Variants in HTR4 observed in about 807,000 individuals in gnomAD.
HTR4 encodes 5-hydroxytryptamine receptor 4.
Under a neutral mutation model 36.8 loss-of-function variants are expected in HTR4, and 16 were observed. That is an observed-to-expected ratio of 0.43 (90% CI 0.29 to 0.66). HTR4 has a LOEUF of 0.66. HTR4 is among the 30% of genes least tolerant of loss of function. The pLI, the probability that HTR4 is intolerant of heterozygous loss-of-function variation, is 0.13. For synonymous variants in HTR4, 189 were observed against 185.1 expected (o/e 1.02, Z -0.17); for missense variants, 438 against 490.9 (o/e 0.89, Z 1.02).
intron 5 of HTR4, among the ~76,000 whole-genome samples, chr5:148,516,312 CTTTTTTTTTTTTTTTT>C (rs954784476): frequency 2.6e-5 from 2 of 76,476 alleles, no homozygotes; most frequent in African/African-American, 1.0e-4. Context: ...ATTCCCCCCT[CTTTTTTTTTTTTTTTT>C]TTTTTTTTTG....
At chr5:148,459,588 A>G (rs1561559580) in intron 5 of HTR4, among the ~76,000 whole-genome samples, 3 of 152,204 alleles carry the variant, frequency 2.0e-5, no homozygotes, top group Non-Finnish European at 4.4e-5. Context: ...TCTAGAAGAC[A>G]GAGAACTAAT....
At chr5:148,528,124 A>G (rs1758375688) in intron 4 of HTR4, among the ~76,000 whole-genome samples, 2 of 152,212 alleles carry the variant, frequency 1.3e-5, no homozygotes, top group African/African-American at 2.4e-5. Context: ...ATTATCAATA[A>G]GTAAAGGGGG....
intron 2 of HTR4, among the ~76,000 whole-genome samples, chr5:148,584,522 T>C (rs2127251026): frequency 6.6e-6 from 1 of 152,328 alleles, no homozygotes; most frequent in South Asian, 2.1e-4. Flanking sequence ...ACAGTACCCC[T>C]AAGCAATCAG....
intron 4 of HTR4, among the ~76,000 whole-genome samples, chr5:148,541,519 G>A (rs993222950): frequency 6.6e-6 from 1 of 152,184 alleles, no homozygotes; most frequent in Non-Finnish European, 1.5e-5. Flanking sequence ...GGAGCTCAGA[G>A]GAAGAAATGA....
chr5:148,597,070 G>T (rs1761806003), intron 2 of HTR4, among the ~76,000 whole-genome samples: 1 of 152,116 alleles, frequency 6.6e-6, no homozygotes, highest in Admixed American at 6.6e-5. Flanking sequence ...CCCACCCCCT[G>T]AAGCCCAGCT....
intron 5 of HTR4, among the ~76,000 whole-genome samples, chr5:148,462,579 G>A (rs1036426834): frequency 6.6e-6 from 1 of 152,076 alleles, no homozygotes; most frequent in African/African-American, 2.4e-5. Context: ...GGTGAATTCT[G>A]CCAAACATAG....
intron 2 of HTR4, among the ~76,000 whole-genome samples, chr5:148,591,887 T>C (rs1561638374): frequency 6.6e-6 from 1 of 152,160 alleles, no homozygotes; most frequent in Admixed American, 6.5e-5. Flanking sequence ...GAAAGCAGTA[T>C]GGTGATTCTT....
chr5:148,611,384 A>G (rs1752420108), intron 2 of HTR4, among the ~76,000 whole-genome samples: 2 of 150,362 alleles, frequency 1.3e-5, no homozygotes, highest in African/African-American at 4.9e-5. Context: ...AACATTCTTA[A>G]AGAAAAGAAT....
chr5:148,636,605 C>A (rs1480758389), intron 2 of HTR4, among the ~76,000 whole-genome samples: 1 of 152,112 alleles, frequency 6.6e-6, no homozygotes. Flanking sequence ...AAGAAGTGGA[C>A]AAACTAGAAC....
chr5:148,487,382 GGAGGAGGAAGAAGGAGAA>G (rs1180212226), intron 6 of HTR4, among the ~76,000 whole-genome samples: 3 of 152,104 alleles, frequency 2.0e-5, no homozygotes, highest in East Asian at 3.8e-4. Context: ...AGAAAGAATA[GGAGGAGGAAGAAGGAGAA>G]GAGGAGGAAG....
chr5:148,484,531 C>T, intron 6 of HTR4: 1 of 690,948 alleles, frequency 1.4e-6, no homozygotes, highest in Non-Finnish European at 2.3e-6. Flanking sequence ...CACCTATTCC[C>T]CAGTCCTAGA....
At chr5:148,618,679 C>G (rs770968560) in intron 2 of HTR4, among the ~76,000 whole-genome samples, 1 of 152,220 alleles carries the variant, frequency 6.6e-6, no homozygotes, top group Non-Finnish European at 1.5e-5. Flanking sequence ...ACACCTTTAA[C>G]TCATTTGTGC....
downstream of HTR4, among the ~76,000 whole-genome samples, chr5:148,473,829 A>T (rs1368415385): frequency 6.6e-6 from 1 of 152,200 alleles, no homozygotes; most frequent in Non-Finnish European, 1.5e-5. Flanking sequence ...GTGGAATCAC[A>T]ATCCATGTCT....
intron 2 of HTR4, among the ~76,000 whole-genome samples, chr5:148,595,506 C>T (rs1435264232): frequency 6.6e-6 from 1 of 152,146 alleles, no homozygotes; most frequent in Non-Finnish European, 1.5e-5. Flanking sequence ...GACACATCTA[C>T]CCACCAGGAG....
intron 2 of HTR4, among the ~76,000 whole-genome samples, chr5:148,613,784 A>G (rs1353387091): frequency 6.7e-6 from 1 of 149,658 alleles, no homozygotes; most frequent in African/African-American, 2.4e-5. Context: ...AGAAAACCCC[A>G]TTGTCTCAGC....
chr5:148,481,521 A>G, downstream of HTR4: 3 of 1,502,282 alleles, frequency 2.0e-6, no homozygotes, highest in Non-Finnish European at 2.7e-6. Flanking sequence ...TTAAGTCTTC[A>G]TAGGACAGAG....
Position 148,523,157 on chromosome 5 carries a change from A to T in HTR4, c.507+36T>A, listed in dbSNP as rs1055736693. On this transcript the variant is annotated intron_variant, in intron 5 of 6. Coordinates refer to ENST00000377888, the MANE Select transcript of HTR4 (RefSeq NM_000870.7). ...TTAGGAACCCCATGCAAAGTTGATC[A>T]GACAGTAAACCAGTGAGGTCTGTGT... is the stretch of plus-strand genomic sequence containing the variant. The T allele has an allele frequency of 4.4e-6, 7 of 1,574,722 alleles. No individual in the cohort carries two copies. In the African/African-American group the frequency reaches 6.8e-5, roughly 15 times the overall value.
intron 4 of HTR4, among the ~76,000 whole-genome samples, chr5:148,547,526 AAAAAT>A (rs373070134): frequency 0.018 from 2,276 of 125,096 alleles, 53 homozygotes; most frequent in African/African-American, 0.059. Flanking sequence ...CTCAAAAAAT[AAAAAT>A]AAAATAAAAT....
At chr5:148,615,311 C>A (rs7709993) in intron 2 of HTR4, among the ~76,000 whole-genome samples, 1 of 152,014 alleles carries the variant, frequency 6.6e-6, no homozygotes, top group Admixed American at 6.6e-5. Context: ...CTGGATTAAG[C>A]AAATGTGGCA....
Sources: allele counts gnomAD v4.1 joint callset (sites outside exome capture counted in the v4.1 genomes callset), GRCh38; gene constraint gnomAD v4.1.1; transcripts MANE v1.5; gene names NCBI Gene and HGNC (gene_info 2026-07-23, HGNC 2026-07-21).